Variants in FBXL5 observed in about 807,000 individuals in gnomAD.
The protein encoded by FBXL5 is F-box/LRR-repeat protein 5.
FBXL5 carries 26 observed loss-of-function variants against 78.3 expected under a neutral mutation model. The ratio of observed to expected loss-of-function variants is 0.33; its 90% CI spans 0.24 to 0.46. The LOEUF (loss-of-function observed/expected upper bound fraction) is 0.46. Ranked by LOEUF, FBXL5 falls within the 20% of genes least tolerant of loss-of-function variation. The pLI, the probability that FBXL5 is intolerant of heterozygous loss-of-function variation, is 1.00. For missense variants in FBXL5, 710 were observed against 829.2 expected (o/e 0.86, Z 1.77); for synonymous variants, 295 against 282.5 (o/e 1.04, Z -0.45).
chr4:15,663,613 ATAC>A (rs1350631835), upstream of FBXL5, among the ~76,000 whole-genome samples: 5 of 152,240 alleles, frequency 3.3e-5, no homozygotes, highest in Admixed American at 1.3e-4. Flanking sequence ...TGAAATGGAA[ATAC>A]TACTACCTAT....
At chr4:15,616,813 G>A (rs1047590834) in intron 9 of FBXL5, among the ~76,000 whole-genome samples, 5 of 152,110 alleles carry the variant, frequency 3.3e-5, no homozygotes, top group East Asian at 3.9e-4. Context: ...TCCTTCTCCC[G>A]TTATCTAGAC....
chr4:15,626,518 T>C (rs1713079573), intron 8 of FBXL5, among the ~76,000 whole-genome samples: 1 of 152,248 alleles, frequency 6.6e-6, no homozygotes, highest in Non-Finnish European at 1.5e-5. Context: ...CACTATACTA[T>C]TTCAGAGTAA....
chr4:15,617,288 T>A (rs1184135513), intron 9 of FBXL5, among the ~76,000 whole-genome samples: 1 of 152,110 alleles, frequency 6.6e-6, no homozygotes, highest in Non-Finnish European at 1.5e-5. Flanking sequence ...ATGCCTGTAA[T>A]CCCAGCACTT....
intron 2 of FBXL5, 38 bp from the exon 3 acceptor site, chr4:15,640,921 T>G: frequency 8.5e-7 from 1 of 1,171,228 alleles, no homozygotes; most frequent in Non-Finnish European, 1.2e-6. Context: ...TATAAAAGTT[T>G]CGCTTCATTA....
intron 9 of FBXL5, among the ~76,000 whole-genome samples, chr4:15,615,114 G>A (rs376626674): frequency 1.6e-4 from 25 of 152,264 alleles, no homozygotes; most frequent in East Asian, 1.2e-3. Flanking sequence ...CACCGGCACC[G>A]CGCTCGATTT....
intron 1 of FBXL5, among the ~76,000 whole-genome samples, chr4:15,680,013 C>T (rs1718157563): frequency 1.3e-5 from 2 of 151,834 alleles, no homozygotes; most frequent in African/African-American, 4.8e-5. Context: ...GCGTGATTTA[C>T]TGTATAAACT....
chr4:15,639,659 C>T (rs770115840), intron 3 of FBXL5, among the ~76,000 whole-genome samples: 5 of 152,172 alleles, frequency 3.3e-5, no homozygotes, highest in Admixed American at 6.5e-5. Flanking sequence ...TTAAAAAACA[C>T]TGGTCAGTCT....
intron 1 of FBXL5, among the ~76,000 whole-genome samples, chr4:15,649,389 T>C (rs1190945965): frequency 6.6e-6 from 1 of 151,580 alleles, no homozygotes; most frequent in African/African-American, 2.4e-5. Flanking sequence ...GCCAACATGG[T>C]GAAACCCCAT....
intron 9 of FBXL5, among the ~76,000 whole-genome samples, chr4:15,617,027 G>A (rs964924236): frequency 5.9e-5 from 9 of 152,222 alleles, no homozygotes; most frequent in Non-Finnish European, 1.3e-4. Context: ...TGTTGGGAGT[G>A]TAAATTAGTT....
upstream of FBXL5, among the ~76,000 whole-genome samples, chr4:15,662,300 C>G (rs574377788): frequency 1.8e-4 from 27 of 150,466 alleles, no homozygotes; most frequent in South Asian, 6.2e-4. Context: ...AGAGGGTAGT[C>G]TTCATATTTA....
upstream of FBXL5, among the ~76,000 whole-genome samples, chr4:15,663,574 A>C (rs552480914): frequency 7.5e-4 from 114 of 152,310 alleles, no homozygotes; most frequent in Admixed American, 2.0e-3. Flanking sequence ...TAAGCCACAA[A>C]ACTGTTCACT....
At chr4:15,635,020 C>G (rs1186208866) in intron 5 of FBXL5, among the ~76,000 whole-genome samples, 3 of 152,070 alleles carry the variant, frequency 2.0e-5, no homozygotes, top group African/African-American at 7.2e-5. Context: ...AAAAAAATAT[C>G]TAACAGCTTA....
At chr4:15,624,344 C>T (rs750219949) in intron 9 of FBXL5, among the ~76,000 whole-genome samples, 4 of 152,084 alleles carry the variant, frequency 2.6e-5, no homozygotes, top group African/African-American at 7.2e-5. Context: ...ATATATTCCT[C>T]TTACATAAGC....
chr4:15,666,549 T>G (rs1560250508), intron 1 of FBXL5, among the ~76,000 whole-genome samples: 4 of 125,628 alleles, frequency 3.2e-5, no homozygotes, highest in Admixed American at 1.7e-4. Flanking sequence ...AAGTGTCAGG[T>G]AGACAGGAGG....
chr4:15,641,146 G>A (rs894340189), intron 2 of FBXL5, among the ~76,000 whole-genome samples: 2 of 151,996 alleles, frequency 1.3e-5, no homozygotes, highest in African/African-American at 4.8e-5. Flanking sequence ...TTTTATTGAT[G>A]TATATATAAA....
intron 1 of FBXL5, among the ~76,000 whole-genome samples, chr4:15,649,131 A>G (rs1360434542): frequency 6.6e-6 from 1 of 152,152 alleles, no homozygotes; most frequent in African/African-American, 2.4e-5. Flanking sequence ...AATCCTCAAC[A>G]TGTTTGTTGA....
intron 3 of FBXL5, among the ~76,000 whole-genome samples, chr4:15,638,936 G>A (rs894811340): frequency 2.0e-5 from 3 of 152,138 alleles, no homozygotes; most frequent in South Asian, 2.1e-4. Context: ...AAGCCAAGGC[G>A]GGTAGGTCAC....
At chr4:15,674,162 T>C (rs527279907) in intron 1 of FBXL5, among the ~76,000 whole-genome samples, 1 of 151,662 alleles carries the variant, frequency 6.6e-6, no homozygotes, top group Non-Finnish European at 1.5e-5. Context: ...CTTACTTCTC[T>C]GGAAATACTA....
chr4:15,612,350 T>C lies in FBXL5; in HGVS notation c.1915A>G (p.Ile639Val), dbSNP rs781417038. Residue 639 changes from isoleucine (I) to valine (V), a missense_variant, in exon 10 of 11, where the codon ATA becomes GTA. Physicochemically the swap from Ile to Val is conservative, Grantham distance 29. This residue lies in a region of FBXL5 where 58 missense variants were observed against 112.3 expected (regional missense o/e 0.52). Coordinates refer to ENST00000341285, the MANE Select transcript of FBXL5 (RefSeq NM_012161.4). ...AAATCCTGCAGGCCTGCACCAGTTATAGTAAGACAACCAGAGAGATTAAGG... is the reference window on the plus strand; with the variant it reads ...AAATCCTGCAGGCCTGCACCAGTTACAGTAAGACAACCAGAGAGATTAAGG... ...EHLNLSGCLT[I>V]TGAGLQDLVS... 8.7e-6 allele frequency: 14 copies of C among 1,612,930 alleles called. No individual in the cohort carries two copies. The highest frequency in any genetic ancestry group is 4.4e-5 in the South Asian group (4 of 90,868).
Sources: allele counts gnomAD v4.1 joint callset (sites outside exome capture counted in the v4.1 genomes callset), GRCh38; gene constraint gnomAD v4.1.1; regional missense constraint gnomAD v4.1.1; transcripts MANE v1.5; gene names NCBI Gene and HGNC (gene_info 2026-07-23, HGNC 2026-07-21).